KAT6B: variants seen among roughly 807,000 people sequenced by gnomAD.
KAT6B encodes the protein histone acetyltransferase KAT6B.
KAT6B carries 10 observed loss-of-function variants against 187.5 expected under a neutral mutation model. The observed-to-expected ratio is 0.05, with a 90% CI of 0.03 to 0.09. KAT6B has a LOEUF of 0.09. Among genes scored for constraint, KAT6B ranks in the 10% least tolerant of loss-of-function variants. The probability of loss-of-function intolerance (pLI) is 1.00; values close to 1 mark genes in which losing one functional copy is unlikely to be tolerated. For synonymous variants in KAT6B, 861 were observed against 926.8 expected (o/e 0.93, Z 1.29); for missense variants, 1,952 against 2,558.9 (o/e 0.76, Z 5.12).
chr10:74,891,389 C>CT (rs1408424705), intron 3 of KAT6B, among the ~76,000 whole-genome samples: 4 of 152,216 alleles, frequency 2.6e-5, no homozygotes, highest in Non-Finnish European at 2.9e-5. Flanking sequence ...GGTGGCAACT[C>CT]TTGAGTTTTC....
chr10:75,029,573 G>A lies in KAT6B; in HGVS notation c.4749G>A (p.Gln1583=). The change falls in exon 18 of 18, where the codon CAG becomes CAA. Residue 1583 remains glutamine (Q), a synonymous_variant. Coordinates refer to ENST00000287239, the MANE Select transcript of KAT6B (RefSeq NM_012330.4). This position sits in a 1 kb window ranked among gnomAD's most constrained non-coding sequence, Gnocchi z 6.2. ...ACACCCGTGCAGACCAAAGTCCACA[G>A]ATTGCCACCACGCTCGACGATTGCC... ...QNYTRADQSP[Q]IATTLDDCQQ... 1 of 1,614,180 alleles carries A rather than the reference G, an allele frequency of 6.2e-7. No homozygotes were observed. Among genetic ancestry groups the A allele is most frequent in the Admixed American group, 1.7e-5 (1 of 60,016 alleles).
At chr10:74,916,958 A>G (rs1361296931) in intron 3 of KAT6B, among the ~76,000 whole-genome samples, 1 of 152,068 alleles carries the variant, frequency 6.6e-6, no homozygotes, top group Non-Finnish European at 1.5e-5. Context: ...TACAAAAGTG[A>G]CCCAAGTGTG....
intron 13 of KAT6B, among the ~76,000 whole-genome samples, chr10:75,000,199 G>GCAAAA (rs917795173): frequency 6.7e-6 from 1 of 149,708 alleles, no homozygotes; most frequent in Non-Finnish European, 1.5e-5. Context: ...TTAAAACAAA[G>GCAAAA]CAAAACAAAA....
chr10:74,884,861 G>A (rs1280820279), intron 3 of KAT6B, among the ~76,000 whole-genome samples: 1 of 151,890 alleles, frequency 6.6e-6, no homozygotes, highest in East Asian at 1.9e-4. Flanking sequence ...GAGCTACAGT[G>A]CCCAGCCAGT....
chr10:74,961,327 T>C (rs942506628), intron 4 of KAT6B, among the ~76,000 whole-genome samples: 2 of 152,234 alleles, frequency 1.3e-5, no homozygotes, highest in African/African-American at 4.8e-5. Flanking sequence ...TCATTCTGAA[T>C]GAATTATTCT....
At chr10:75,028,410 G>A (rs1263607711) in intron 17 of KAT6B, 79 bp from the exon 18 acceptor site, 20 of 1,600,790 alleles carry the variant, frequency 1.2e-5, no homozygotes, top group Non-Finnish European at 1.6e-5. Flanking sequence ...AATTAATTTA[G>A]AGGAATGAAT....
intron 7 of KAT6B, among the ~76,000 whole-genome samples, chr10:74,973,519 A>G (rs1386516917): frequency 6.6e-6 from 1 of 152,230 alleles, no homozygotes; most frequent in Non-Finnish European, 1.5e-5. Context: ...TGCTCTGCAC[A>G]CACCTTGAAC....
chr10:74,874,047 G>C (rs1332870149), intron 3 of KAT6B, among the ~76,000 whole-genome samples: 1 of 151,980 alleles, frequency 6.6e-6, no homozygotes, highest in Non-Finnish European at 1.5e-5. Context: ...AAGAGAAACA[G>C]AATAAAAATA....
chr10:74,844,135 A>G (rs966454630), intron 3 of KAT6B, among the ~76,000 whole-genome samples: 2 of 152,050 alleles, frequency 1.3e-5, no homozygotes, highest in Non-Finnish European at 2.9e-5. Context: ...CGGCCTCCCA[A>G]AGCGCTGGGA....
rs11001247 is a variant in KAT6B, at chr10:75,022,090, C to T, written c.3231C>T (p.Asp1077=). The T allele has an allele frequency of 4.9e-5, 78 of 1,595,118 alleles. No individual in the cohort carries two copies. Among genetic ancestry groups the T allele is most frequent in the Admixed American group, 8.5e-5 (5 of 59,032 alleles). Residue 1077 remains aspartate (D), a synonymous_variant, in exon 16 of 18, where the codon GAC becomes GAT. Coordinates refer to ENST00000287239, the MANE Select transcript of KAT6B (RefSeq NM_012330.4). ...ESSEEEEEEE[D]EEEEEEEEEE... Reference sequence around the variant, plus strand: ...GTGAAGAAGAAGAGGAGGAGGAGGACGAGGAGGAGGAAGAAGAGGAGGAAG... The same window carrying T: ...GTGAAGAAGAAGAGGAGGAGGAGGATGAGGAGGAGGAAGAAGAGGAGGAAG...
intron 3 of KAT6B, among the ~76,000 whole-genome samples, chr10:74,950,317 C>G (rs1409158340): frequency 6.6e-6 from 1 of 152,172 alleles, no homozygotes; most frequent in Admixed American, 6.5e-5. Context: ...TGTTCTACCC[C>G]GAAGGATGTG....
At chr10:74,985,570 G>T (rs955897607) in intron 12 of KAT6B, among the ~76,000 whole-genome samples, 10 of 152,188 alleles carry the variant, frequency 6.6e-5, no homozygotes, top group African/African-American at 1.9e-4. Context: ...TTTCAGTTTA[G>T]TGTAGCATTT....
intron 13 of KAT6B, among the ~76,000 whole-genome samples, chr10:74,993,144 C>A (rs1422987541): frequency 6.6e-6 from 1 of 152,208 alleles, no homozygotes; most frequent in Non-Finnish European, 1.5e-5. Flanking sequence ...ACCGTCAAGG[C>A]AAGGAGCTCT....
intron 3 of KAT6B, among the ~76,000 whole-genome samples, chr10:74,888,544 C>G (rs1223536032): frequency 6.6e-6 from 1 of 152,054 alleles, no homozygotes; most frequent in Admixed American, 6.5e-5. Context: ...ATGATTTTAT[C>G]CCATCAGATT....
At chr10:74,893,809 T>C (rs1364510711) in intron 3 of KAT6B, among the ~76,000 whole-genome samples, 1 of 152,024 alleles carries the variant, frequency 6.6e-6, no homozygotes, top group Non-Finnish European at 1.5e-5. Flanking sequence ...CTGAAATAGC[T>C]TTCCATGATG....
At chr10:74,874,537 C>T (rs1448022721) in intron 3 of KAT6B, among the ~76,000 whole-genome samples, 1 of 152,094 alleles carries the variant, frequency 6.6e-6, no homozygotes, top group Non-Finnish European at 1.5e-5. Flanking sequence ...CGCCACCACA[C>T]CCAGCTAATT....
intron 16 of KAT6B, chr10:75,023,840 T>C (rs534912743): frequency 6.6e-6 from 1 of 152,246 alleles, no homozygotes; most frequent in Admixed American, 6.5e-5. Context: ...ACTCTGTCTC[T>C]ATAAAAAATA....
At chr10:74,932,065 C>A (rs976533785) in intron 3 of KAT6B, among the ~76,000 whole-genome samples, 1 of 152,160 alleles carries the variant, frequency 6.6e-6, no homozygotes, top group East Asian at 1.9e-4. Context: ...GATTTGTAAA[C>A]CCTCCAAGGC....
intron 9 of KAT6B, 122 bp downstream of exon 9, chr10:74,977,559 G>A (rs1311270935): frequency 1.2e-5 from 15 of 1,221,232 alleles, no homozygotes; most frequent in South Asian, 3.7e-5. Context: ...TTCTTTAGCC[G>A]TTATCATGCC....
Sources: allele counts gnomAD v4.1 joint callset (sites outside exome capture counted in the v4.1 genomes callset), GRCh38; gene constraint gnomAD v4.1.1; non-coding constraint Gnocchi (gnomAD v3.1); transcripts MANE v1.5; gene names NCBI Gene and HGNC (gene_info 2026-07-23, HGNC 2026-07-21).